RASEF: variants seen among roughly 807,000 people sequenced by gnomAD.
RASEF encodes ras and EF-hand domain-containing protein.
A neutral mutation model predicts 90.1 loss-of-function variants in RASEF; 68 were observed. The ratio of observed to expected loss-of-function variants is 0.75; its 90% CI spans 0.62 to 0.92. The LOEUF is 0.92. RASEF is among the 40% of genes least tolerant of loss of function. RASEF has a pLI of 0.00. For synonymous variants in RASEF, 331 were observed against 345.2 expected, an observed-to-expected ratio of 0.96 and a Z score of 0.46; for missense variants, 949 against 937.2, an observed-to-expected ratio of 1.01 and a Z score of -0.16.
chr9:83,055,856 G>T (rs571592359), intron 1 of RASEF, among the ~76,000 whole-genome samples: 1 of 152,206 alleles, frequency 6.6e-6, no homozygotes, highest in Non-Finnish European at 1.5e-5. Context: ...AGAAACATTC[G>T]ATGTGAAACA....
chr9:83,123,781 T>A, the RASEF span, among the ~76,000 whole-genome samples: 1 of 152,116 alleles, frequency 6.6e-6, no homozygotes, highest in African/African-American at 2.4e-5. Context: ...AAGAACAGAG[T>A]CCTTTTTTGT....
chr9:83,218,895 C>A, the RASEF span, among the ~76,000 whole-genome samples: 2 of 152,200 alleles, frequency 1.3e-5, no homozygotes, highest in Admixed American at 1.3e-4. Flanking sequence ...TGTGTCCTCA[C>A]TCCTCACAGG....
At chr9:82,989,065 G>A (rs1275974534) in intron 16 of RASEF, among the ~76,000 whole-genome samples, 2 of 152,252 alleles carry the variant, frequency 1.3e-5, no homozygotes, top group East Asian at 3.9e-4. Flanking sequence ...ACAAACTAAT[G>A]CCAAGCAGGA....
At chr9:83,186,587 A>G in the RASEF span, among the ~76,000 whole-genome samples, 4 of 152,048 alleles carry the variant, frequency 2.6e-5, no homozygotes, top group Admixed American at 2.0e-4. Context: ...TGCTGCAAAC[A>G]CTGCTGTGCC....
At chr9:83,079,301 A>C in the RASEF span, among the ~76,000 whole-genome samples, 1 of 152,226 alleles carries the variant, frequency 6.6e-6, no homozygotes. Flanking sequence ...AAATTTATTG[A>C]ATAGGGAGTC....
chr9:83,182,731 A>C, the RASEF span, among the ~76,000 whole-genome samples: 2 of 152,194 alleles, frequency 1.3e-5, no homozygotes, highest in Non-Finnish European at 2.9e-5. Flanking sequence ...TCTAGTAAAA[A>C]ATAAATATGT....
chr9:83,069,031 G>A, the RASEF span, among the ~76,000 whole-genome samples: 1 of 152,066 alleles, frequency 6.6e-6, no homozygotes. Context: ...AACCTTTAAA[G>A]CAAATATTAC....
chr9:83,055,754 A>G (rs1467153040), intron 1 of RASEF: 3 of 678,816 alleles, frequency 4.4e-6, no homozygotes, highest in East Asian at 5.5e-5. Context: ...TTTATTTTAC[A>G]TTATTGCCAA....
the RASEF span, among the ~76,000 whole-genome samples, chr9:83,147,795 G>A: frequency 2.0e-5 from 3 of 152,092 alleles, no homozygotes; most frequent in Non-Finnish European, 4.4e-5. Flanking sequence ...AGTGGTGGAG[G>A]TGGCTCTCAG....
chr9:83,032,378 T>G (rs1296761678), intron 1 of RASEF, among the ~76,000 whole-genome samples: 4 of 152,184 alleles, frequency 2.6e-5, no homozygotes, highest in Admixed American at 6.5e-5. Flanking sequence ...CAATTACACT[T>G]GCACTCTCAA....
chr9:82,990,041 G>T (rs1828781669), intron 16 of RASEF, among the ~76,000 whole-genome samples: 2 of 151,930 alleles, frequency 1.3e-5, no homozygotes, highest in Admixed American at 6.6e-5. Context: ...TTCCCCTTTT[G>T]CCCGGGAAAA....
At chr9:83,159,975 A>C in the RASEF span, among the ~76,000 whole-genome samples, 3 of 152,332 alleles carry the variant, frequency 2.0e-5, no homozygotes, top group South Asian at 6.2e-4. Flanking sequence ...TTTGCTGCCA[A>C]GTGAGATGTG....
chr9:83,185,447 A>C, the RASEF span, among the ~76,000 whole-genome samples: 2 of 151,458 alleles, frequency 1.3e-5, no homozygotes, highest in African/African-American at 4.9e-5. Flanking sequence ...TTAGCCTTCC[A>C]AAGTCCTGGG....
chr9:83,082,112 T>C, the RASEF span, among the ~76,000 whole-genome samples: 274 of 152,260 alleles, frequency 1.8e-3, 2 homozygotes, highest in African/African-American at 6.0e-3. Flanking sequence ...CTCTTCTCTG[T>C]ACTTTAATTA....
At chr9:83,019,964 A>G (rs1299942818) in intron 3 of RASEF, among the ~76,000 whole-genome samples, 1 of 152,224 alleles carries the variant, frequency 6.6e-6, no homozygotes, top group Non-Finnish European at 1.5e-5. Flanking sequence ...AAGGGGCATG[A>G]AGAAACTTCG....
At chr9:83,025,474 C>T (rs370879905) in intron 2 of RASEF, among the ~76,000 whole-genome samples, 2 of 152,228 alleles carry the variant, frequency 1.3e-5, no homozygotes, top group East Asian at 1.9e-4. Flanking sequence ...ATCTACTTCT[C>T]TAGATAAAAG....
upstream of RASEF, among the ~76,000 whole-genome samples, chr9:83,065,969 C>A (rs1257445577): frequency 6.6e-6 from 1 of 152,114 alleles, no homozygotes; most frequent in Non-Finnish European, 1.5e-5. Flanking sequence ...AATTATCTGG[C>A]CAAAAATGTC....
chr9:83,037,518 A>G (rs1013681756), intron 1 of RASEF, among the ~76,000 whole-genome samples: 2 of 152,332 alleles, frequency 1.3e-5, no homozygotes, highest in South Asian at 2.1e-4. Context: ...AAATCTGTGA[A>G]GTAGAAACAC....
rs1828935524 is a variant in RASEF, at chr9:82,997,087, A to G, written c.1845T>C (p.Asp615=). The G allele has an allele frequency of 6.2e-6, 10 of 1,613,410 alleles. No homozygotes were observed. The highest frequency in any genetic ancestry group is 8.5e-6 in the Non-Finnish European group (10 of 1,179,488). ...TAACATCATACAGCAGCAAAACACC[A>G]TCTGCCTTTCTGAAGTAAGACTTGG... ...SIAKSYFRKA[D]GVLLLYDVTC... is the part of the protein sequence containing the mutation. Residue 615 remains aspartate (D), a synonymous_variant, in exon 14 of 17, where the codon GAT becomes GAC. Transcript: ENST00000376447.
Sources: allele counts gnomAD v4.1 joint callset (sites outside exome capture counted in the v4.1 genomes callset), GRCh38; gene constraint gnomAD v4.1.1; transcripts MANE v1.5; gene names NCBI Gene and HGNC (gene_info 2026-07-23, HGNC 2026-07-21).